The following FAM156A variants were observed in gnomAD, a reference collection of about 807,000 sequenced individuals.
FAM156A encodes the protein family with sequence similarity 156 member A, also known as protein FAM156A/FAM156B.
At chrX:52,987,409 GC>G (rs1431402091) in intron 1 of FAM156A, among the ~76,000 whole-genome samples, 5 of 111,538 alleles carry the variant, frequency 4.5e-5, no homozygotes, top group Non-Finnish European at 7.5e-5. Flanking sequence ...GATGGCTTGA[GC>G]CCAGAAGGTC....
intron 1 of FAM156A, among the ~76,000 whole-genome samples, chrX:52,994,001 C>A (rs900060736): frequency 3.6e-5 from 4 of 111,038 alleles, no homozygotes; most frequent in Admixed American, 1.9e-4. Flanking sequence ...AAGTGACTTG[C>A]CCAATGTCAC....
At chrX:52,990,410 G>A (rs1930613075) in intron 1 of FAM156A, among the ~76,000 whole-genome samples, 1 of 111,527 alleles carries the variant, frequency 9.0e-6, no homozygotes, top group South Asian at 3.8e-4. Flanking sequence ...AAGAGGAAGT[G>A]GAGGGGTTGT....
chrX:52,979,344 T>C (rs963852941), intron 1 of FAM156A, among the ~76,000 whole-genome samples: 8 of 111,351 alleles, frequency 7.2e-5, no homozygotes, highest in African/African-American at 2.0e-4. Context: ...ACTGAACACA[T>C]AGGATGGGAG....
At chrX:52,990,507 G>GC (rs1930620964) in intron 1 of FAM156A, among the ~76,000 whole-genome samples, 1 of 111,536 alleles carries the variant, frequency 9.0e-6, no homozygotes. Context: ...GCTCTGGCCA[G>GC]GTACGGTGGC....
chrX:52,984,082 T>G (rs782776565), intron 1 of FAM156A, among the ~76,000 whole-genome samples: 3 of 111,182 alleles, frequency 2.7e-5, no homozygotes, highest in Non-Finnish European at 3.8e-5. Flanking sequence ...ACAGTCAGCA[T>G]ATAGCTGGAC....
chrX:52,990,653 G>A lies in FAM156A; in HGVS notation c.-434+4653C>T, dbSNP rs782368787. Among the ~76,000 whole-genome samples the A allele has an allele frequency of 1.4e-4, 15 of 109,966 alleles. No individual in the cohort carries two copies. The East Asian group carries it at 3.2e-3, about 23-fold the overall frequency. On this transcript the variant is annotated intron_variant, in intron 1 of 4. Transcript: ENST00000610625. The stretch of plus-strand genomic sequence containing the variant: ...ACAAAAATTAGCCATGCATGTTGGC[G>A]TGCACCTGTAATCCCAGCTACTCTG...
chrX:52,988,955 A>G (rs1930497490), intron 1 of FAM156A, among the ~76,000 whole-genome samples: 1 of 112,679 alleles, frequency 8.9e-6, no homozygotes, highest in African/African-American at 3.2e-5. Context: ...GGATGGTCAA[A>G]AAGTAAATCA....
intron 1 of FAM156A, among the ~76,000 whole-genome samples, chrX:52,979,380 C>T (rs1556792949): frequency 9.0e-6 from 1 of 111,467 alleles, no homozygotes; most frequent in African/African-American, 3.3e-5. Context: ...GTCCCCCTCC[C>T]ACCAGCCTTG....
At chrX:52,986,065 G>A (rs1930252893) in intron 1 of FAM156A, among the ~76,000 whole-genome samples, 1 of 110,259 alleles carries the variant, frequency 9.1e-6, no homozygotes, top group Admixed American at 9.7e-5. Flanking sequence ...ATTGTGAATA[G>A]TGCCACAACA....
At chrX:52,992,323 T>A (rs960749260) in intron 1 of FAM156A, among the ~76,000 whole-genome samples, 10 of 111,746 alleles carry the variant, frequency 8.9e-5, no homozygotes, top group African/African-American at 3.3e-4. Context: ...GCAGATCCTG[T>A]CTATCCCCTG....
At chrX:52,984,238 A>C (rs1930109666) in intron 1 of FAM156A, among the ~76,000 whole-genome samples, 2 of 112,107 alleles carry the variant, frequency 1.8e-5, no homozygotes, top group Admixed American at 1.9e-4. Flanking sequence ...TCCTCCAGAA[A>C]TCAATTGTGA....
At chrX:52,982,223 G>A (rs1238372251) in intron 1 of FAM156A, among the ~76,000 whole-genome samples, 3 of 112,458 alleles carry the variant, frequency 2.7e-5, no homozygotes, top group Non-Finnish European at 5.6e-5. Flanking sequence ...GAAGGCCAAG[G>A]TGGGTGGATC....
At chrX:52,993,276 T>C (rs1930908909) in intron 1 of FAM156A, among the ~76,000 whole-genome samples, 1 of 110,853 alleles carries the variant, frequency 9.0e-6, no homozygotes, top group Non-Finnish European at 1.9e-5. Context: ...CCTCAGGTAA[T>C]TGCAAGGCCT....
chrX:52,975,814 T>C (rs5951165), intron 1 of FAM156A, among the ~76,000 whole-genome samples: 10,534 of 111,782 alleles, frequency 0.094, 482 homozygotes, highest in Non-Finnish European at 0.14. Flanking sequence ...ATTGCGCCAC[T>C]GGAGCCGAAG....
intron 1 of FAM156A, among the ~76,000 whole-genome samples, chrX:52,988,865 T>C (rs1477998919): frequency 1.8e-5 from 2 of 112,093 alleles, no homozygotes; most frequent in African/African-American, 6.5e-5. Flanking sequence ...TGTAGTTGGG[T>C]TGTTTCCAGT....
chrX:52,974,944 G>A (rs1454645962), intron 1 of FAM156A, among the ~76,000 whole-genome samples: 3 of 110,311 alleles, frequency 2.7e-5, no homozygotes, highest in African/African-American at 9.9e-5. Context: ...GCCTACGTGC[G>A]GGAATGAGCA....
chrX:52,981,280 T>C (rs1929881188), intron 1 of FAM156A, among the ~76,000 whole-genome samples: 1 of 111,243 alleles, frequency 9.0e-6, no homozygotes, highest in Non-Finnish European at 1.9e-5. Flanking sequence ...ACTAAGATTG[T>C]GTATGAACCT....
chrX:52,994,701 G>A (rs781824494), intron 1 of FAM156A, among the ~76,000 whole-genome samples: 5 of 111,535 alleles, frequency 4.5e-5, no homozygotes, highest in Admixed American at 3.8e-4. Flanking sequence ...CAGGCCAGGC[G>A]TGGTGGCTCA....
chrX:52,982,478 A>T (rs5951166), intron 1 of FAM156A, among the ~76,000 whole-genome samples: 11,994 of 111,829 alleles, frequency 0.11, 523 homozygotes, highest in Non-Finnish European at 0.14. Context: ...AAATAATTTT[A>T]AAAAAGAAAG....
Sources: gnomAD v4.1 joint callset for allele counts (sites outside exome capture counted in the v4.1 genomes callset) on GRCh38, gnomAD v4.1.1 for gene constraint, MANE v1.5 for transcripts, NCBI Gene and HGNC (gene_info 2026-07-23, HGNC 2026-07-21) for gene names.